Variants in MAF observed in about 807,000 individuals in gnomAD.
MAF encodes the protein transcription factor Maf.
In MAF, 10 loss-of-function variants were observed where a neutral mutation model predicts 22.0. That is an observed-to-expected ratio of 0.45 (90% CI 0.28 to 0.77). The LOEUF is 0.77. MAF is among the 30% of genes least tolerant of loss of function. The pLI is 0.12. For missense variants in MAF, 544 were observed against 548.4 expected (o/e 0.99, Z 0.08); for synonymous variants, 337 against 255.8 (o/e 1.32, Z -3.03).
At chr16:79,310,400 A>C in the MAF span, among the ~76,000 whole-genome samples, 1 of 152,186 alleles carries the variant, frequency 6.6e-6, no homozygotes. Flanking sequence ...AGAGAGACAG[A>C]CAGAGAGAGA....
the MAF span, among the ~76,000 whole-genome samples, chr16:79,551,642 T>C: frequency 6.6e-6 from 1 of 152,324 alleles, no homozygotes; most frequent in African/African-American, 2.4e-5. Flanking sequence ...CACTGTTTGT[T>C]CTTGTGCAGC....
chr16:79,507,672 G>A, the MAF span, among the ~76,000 whole-genome samples: 1 of 152,118 alleles, frequency 6.6e-6, no homozygotes, highest in South Asian at 2.1e-4. Flanking sequence ...TGATCCATCC[G>A]CCTCGGTCTC....
At chr16:79,283,450 A>G in the MAF span, among the ~76,000 whole-genome samples, 5 of 152,336 alleles carry the variant, frequency 3.3e-5, no homozygotes, top group East Asian at 9.6e-4. Context: ...AAATCTTTGT[A>G]TTTTAAAAAG....
the MAF span, among the ~76,000 whole-genome samples, chr16:79,427,904 T>G: frequency 6.6e-6 from 1 of 151,970 alleles, no homozygotes; most frequent in Non-Finnish European, 1.5e-5. Context: ...TAGGGGATGC[T>G]TAACAGATAC....
At chr16:79,420,004 G>GTTT in the MAF span, among the ~76,000 whole-genome samples, 1 of 148,734 alleles carries the variant, frequency 6.7e-6, no homozygotes. Flanking sequence ...GTAACACACG[G>GTTT]TTTTTTTTTT....
At chr16:79,472,971 A>C in the MAF span, among the ~76,000 whole-genome samples, 5 of 152,136 alleles carry the variant, frequency 3.3e-5, no homozygotes, top group African/African-American at 1.2e-4. Context: ...TGAACACAAC[A>C]CAATTCTGTC....
chr16:79,381,533 A>G, the MAF span, among the ~76,000 whole-genome samples: 3,574 of 152,292 alleles, frequency 0.023, 315 homozygotes, highest in Admixed American at 0.16. Context: ...TTATTTGGGG[A>G]AAGCAACCTA....
chr16:79,549,806 A>C, the MAF span, among the ~76,000 whole-genome samples: 3 of 152,170 alleles, frequency 2.0e-5, no homozygotes, highest in Non-Finnish European at 4.4e-5. Context: ...CTACAGATTG[A>C]ATCTAGGGAT....
the MAF span, among the ~76,000 whole-genome samples, chr16:79,294,083 T>G: frequency 1.3e-5 from 2 of 152,286 alleles, no homozygotes; most frequent in African/African-American, 4.8e-5. Context: ...TACCTGGTAA[T>G]CTACTGAACC....
the MAF span, among the ~76,000 whole-genome samples, chr16:79,474,115 G>T: frequency 6.6e-6 from 1 of 152,048 alleles, no homozygotes; most frequent in South Asian, 2.1e-4. Context: ...AAATGATGAG[G>T]AAATAGGAGA....
the MAF span, among the ~76,000 whole-genome samples, chr16:79,280,578 G>C: frequency 2.0e-5 from 3 of 152,292 alleles, no homozygotes; most frequent in Middle Eastern, 3.4e-3. Flanking sequence ...GAGTTTCCTA[G>C]GGCTGCTTGA....
the MAF span, among the ~76,000 whole-genome samples, chr16:79,313,962 C>T: frequency 6.6e-6 from 1 of 152,186 alleles, no homozygotes; most frequent in African/African-American, 2.4e-5. Context: ...GATTAAATAA[C>T]TAAGAATAAA....
At chr16:79,559,460 G>A in the MAF span, among the ~76,000 whole-genome samples, 3 of 152,112 alleles carry the variant, frequency 2.0e-5, 1 homozygote, top group East Asian at 3.9e-4. Context: ...AAAAGCTACA[G>A]GTTCCTCCCC....
chr16:79,459,881 C>T, the MAF span, among the ~76,000 whole-genome samples: 1 of 152,090 alleles, frequency 6.6e-6, no homozygotes, highest in African/African-American at 2.4e-5. Context: ...ACTCTTTTCA[C>T]CAGTATTACA....
chr16:79,267,709 A>C, the MAF span, among the ~76,000 whole-genome samples: 1 of 152,198 alleles, frequency 6.6e-6, no homozygotes, highest in African/African-American at 2.4e-5. Flanking sequence ...AAATGAGATT[A>C]AGATGAACAC....
the MAF span, among the ~76,000 whole-genome samples, chr16:79,393,827 G>C: frequency 6.6e-6 from 1 of 152,156 alleles, no homozygotes; most frequent in Admixed American, 6.5e-5. Flanking sequence ...TGAATGCTGG[G>C]CCAAGTGAAC....
chr16:79,345,703 G>A, the MAF span, among the ~76,000 whole-genome samples: 1 of 116,510 alleles, frequency 8.6e-6, no homozygotes, highest in East Asian at 2.7e-4. Context: ...ACTCCAGCCT[G>A]GCAACAGAGC....
the MAF span, among the ~76,000 whole-genome samples, chr16:79,379,212 C>T: frequency 1.3e-5 from 2 of 152,270 alleles, no homozygotes; most frequent in Admixed American, 6.5e-5. Flanking sequence ...TGCCTGTCAA[C>T]CCTAATAGAT....
the MAF span, among the ~76,000 whole-genome samples, chr16:79,243,969 G>A: frequency 3.3e-5 from 5 of 151,920 alleles, no homozygotes; most frequent in South Asian, 4.2e-4. Flanking sequence ...AAAAAACCAC[G>A]TGTTTATCTC....
Sources: allele counts gnomAD v4.1 joint callset (sites outside exome capture counted in the v4.1 genomes callset), GRCh38; gene constraint gnomAD v4.1.1; transcripts MANE v1.5; gene names NCBI Gene and HGNC (gene_info 2026-07-23, HGNC 2026-07-21).